KCNJ6: variants seen among roughly 807,000 people sequenced by gnomAD.
KCNJ6 encodes the protein potassium inwardly rectifying channel subfamily J member 6.
Under a neutral mutation model 34.2 loss-of-function variants are expected in KCNJ6, and 9 were observed. The ratio of observed to expected loss-of-function variants is 0.26; its 90% CI spans 0.16 to 0.46. The LOEUF is 0.46. Ranked by LOEUF, KCNJ6 falls within the 20% of genes least tolerant of loss-of-function variation. KCNJ6 has a pLI of 1.00. For synonymous variants in KCNJ6, 196 were observed against 207.1 expected (o/e 0.95, Z 0.46); for missense variants, 236 against 531.3 (o/e 0.44, Z 5.46).
intron 3 of KCNJ6, among the ~76,000 whole-genome samples, chr21:37,690,512 G>A (rs2054634764): frequency 6.6e-6 from 1 of 152,150 alleles, no homozygotes; most frequent in Non-Finnish European, 1.5e-5. Flanking sequence ...TGGGATAAAA[G>A]GTCTCAGCTG....
intron 1 of KCNJ6, among the ~76,000 whole-genome samples, chr21:37,888,765 G>A (rs554682793): frequency 4.4e-4 from 67 of 152,316 alleles, no homozygotes; most frequent in African/African-American, 9.9e-4. Flanking sequence ...CAGAGAGCTC[G>A]TAAACCAGTT....
intron 1 of KCNJ6, among the ~76,000 whole-genome samples, chr21:37,882,655 G>A (rs187667669): frequency 2.6e-5 from 4 of 152,340 alleles, no homozygotes; most frequent in African/African-American, 9.6e-5. Context: ...GAATGGACAA[G>A]CTCCAACTGT....
intron 3 of KCNJ6, among the ~76,000 whole-genome samples, chr21:37,677,795 CCTAT>C (rs1388293988): frequency 2.0e-3 from 32 of 15,670 alleles, no homozygotes; most frequent in Non-Finnish European, 4.7e-3. Context: ...CATCCACCCA[CCTAT>C]CCACCCACCC....
chr21:37,910,913 T>C (rs1245851805), intron 1 of KCNJ6, among the ~76,000 whole-genome samples: 2 of 152,192 alleles, frequency 1.3e-5, no homozygotes, highest in African/African-American at 4.8e-5. Context: ...CTGCACAAAA[T>C]CATTCTCTGA....
At chr21:37,914,820 AG>A (rs2055885304) in intron 1 of KCNJ6, among the ~76,000 whole-genome samples, 1 of 152,036 alleles carries the variant, frequency 6.6e-6, no homozygotes, top group South Asian at 2.1e-4. Flanking sequence ...CCTGTACCGT[AG>A]GGCTCCCCGG....
chr21:37,646,863 G>C (rs2054407360), intron 3 of KCNJ6, among the ~76,000 whole-genome samples: 1 of 151,964 alleles, frequency 6.6e-6, no homozygotes, highest in South Asian at 2.1e-4. Context: ...TAGTAGAGAC[G>C]GGGTTTCACA....
At chr21:37,914,008 G>GGTGTGTGGGTGTGT (rs1555855559) in intron 1 of KCNJ6, among the ~76,000 whole-genome samples, 45 of 135,584 alleles carry the variant, frequency 3.3e-4, no homozygotes, top group Middle Eastern at 3.7e-3. Context: ...GGCGGATCGG[G>GGTGTGTGGGTGTGT]GTGTGTGTGT....
rs562254637 is a variant in KCNJ6, at chr21:37,634,498, C to A, written c.947-9014G>T. On this transcript the variant is annotated intron_variant, in intron 3 of 3. Transcript: ENST00000609713. The stretch of plus-strand genomic sequence containing the variant: ...CCTCAGGTATTCCTTTATAGTAACA[C>A]AATGAACTAGGACAGCAGTATCATT... Among the ~76,000 whole-genome samples the A allele has an allele frequency of 9.9e-5, 15 of 152,198 alleles. No individual in the cohort carries two copies. The East Asian group carries it at 2.7e-3, about 27-fold the overall frequency.
At chr21:37,818,147 T>A (rs966754166) in intron 2 of KCNJ6, among the ~76,000 whole-genome samples, 3 of 152,160 alleles carry the variant, frequency 2.0e-5, no homozygotes, top group African/African-American at 7.2e-5. Context: ...ACCCCTTTCA[T>A]GTGTCTTACA....
At chr21:37,839,959 C>T (rs1216769061) in intron 2 of KCNJ6, among the ~76,000 whole-genome samples, 1 of 152,076 alleles carries the variant, frequency 6.6e-6, no homozygotes, top group African/African-American at 2.4e-5. Flanking sequence ...CCACCATGCT[C>T]AGCTTATTTT....
intron 2 of KCNJ6, among the ~76,000 whole-genome samples, chr21:37,742,950 A>T (rs561836407): frequency 2.6e-5 from 4 of 152,300 alleles, no homozygotes; most frequent in African/African-American, 9.6e-5. Context: ...ATGTGTGCCC[A>T]CATGTTGCCT....
Position 37,669,576 on chromosome 21 carries a change from GTTGT to G in KCNJ6, c.947-44096_947-44093del, listed in dbSNP as rs1247036747. Among the ~76,000 whole-genome samples the G allele has an allele frequency of 1.0e-3, 95 of 90,800 alleles. 1 individual carries two copies. The highest frequency in any genetic ancestry group is 4.9e-3 in the African/African-American group (84 of 16,986). The allele number at this position is 90,800 out of a possible 152,430, so 59.6% of individuals were successfully genotyped here. On this transcript the variant is annotated intron_variant, in intron 3 of 3. Transcript: ENST00000609713. ...GTTGGGGAGCATGAAGTCTGTGTGT[GTTGT>G]GTGTGTGTGTGTGTGTGTGTGTGAA...
chr21:37,722,426 T>C (rs1018321552), intron 2 of KCNJ6, among the ~76,000 whole-genome samples: 1 of 152,190 alleles, frequency 6.6e-6, no homozygotes, highest in Non-Finnish European at 1.5e-5. Context: ...TTTTCACAGA[T>C]TTATAAAAAC....
intron 2 of KCNJ6, among the ~76,000 whole-genome samples, chr21:37,830,209 A>G (rs928393186): frequency 1.3e-5 from 2 of 151,956 alleles, no homozygotes; most frequent in Non-Finnish European, 2.9e-5. Flanking sequence ...GACCAGACAG[A>G]CTCTCCTGGT....
At chr21:37,717,810 T>G (rs564195167) in intron 2 of KCNJ6, among the ~76,000 whole-genome samples, 158 of 152,300 alleles carry the variant, frequency 1.0e-3, no homozygotes, top group Admixed American at 3.8e-3. Flanking sequence ...GTTTGTCAAA[T>G]TAGCTGATTC....
At chr21:37,760,953 G>A (rs1263909737) in intron 2 of KCNJ6, among the ~76,000 whole-genome samples, 1 of 152,182 alleles carries the variant, frequency 6.6e-6, no homozygotes, top group Non-Finnish European at 1.5e-5. Flanking sequence ...AGAGGCACAT[G>A]TGGATGAGAC....
At chr21:37,874,549 T>C (rs911912284) in intron 1 of KCNJ6, among the ~76,000 whole-genome samples, 1 of 152,228 alleles carries the variant, frequency 6.6e-6, no homozygotes, top group African/African-American at 2.4e-5. Context: ...TATCCCAAAT[T>C]ATAAGTATTT....
intron 2 of KCNJ6, among the ~76,000 whole-genome samples, chr21:37,722,644 C>T (rs1222496438): frequency 1.3e-5 from 2 of 152,128 alleles, no homozygotes; most frequent in African/African-American, 2.4e-5. Context: ...ATACCTATAG[C>T]CATCTGATCT....
intron 2 of KCNJ6, among the ~76,000 whole-genome samples, chr21:37,814,742 T>C (rs918583473): frequency 1.3e-5 from 2 of 151,502 alleles, no homozygotes; most frequent in African/African-American, 4.9e-5. Flanking sequence ...ACTAAAAATA[T>C]AAAAAATTAG....
Sources: allele counts gnomAD v4.1 joint callset (sites outside exome capture counted in the v4.1 genomes callset), GRCh38; gene constraint gnomAD v4.1.1; transcripts MANE v1.5; gene names NCBI Gene and HGNC (gene_info 2026-07-23, HGNC 2026-07-21).